The following BMPR1A variants were observed in gnomAD, a reference collection of about 807,000 sequenced individuals.
BMPR1A encodes the protein bone morphogenetic protein receptor type 1A.
In BMPR1A, 7 loss-of-function variants were observed where a neutral mutation model predicts 66.0. The ratio of observed to expected loss-of-function variants is 0.11; its 90% CI spans 0.06 to 0.20. BMPR1A has a LOEUF of 0.20. BMPR1A is among the 10% of genes least tolerant of loss of function. BMPR1A has a pLI of 1.00. For synonymous variants in BMPR1A, 200 were observed against 229.7 expected, an observed-to-expected ratio of 0.87 and a Z score of 1.17; for missense variants, 408 against 669.1, an observed-to-expected ratio of 0.61 and a Z score of 4.31.
chr10:86,804,553 A>C (rs1488034180), intron 1 of BMPR1A, among the ~76,000 whole-genome samples: 2 of 152,022 alleles, frequency 1.3e-5, no homozygotes, highest in East Asian at 3.9e-4. Context: ...TTCTTTATAG[A>C]CCCTATTTAC....
rs180767974 is a variant in BMPR1A at position 86,803,368 on chromosome 10, T to C, written c.-267-35497T>C. ...AATTCCAGGCATGAGCCACCCTGCC[T>C]GGCCATTATTATCTTTAATAACAAT... On this transcript the variant is annotated intron_variant, in intron 1 of 12. Coordinates refer to ENST00000372037, the MANE Select transcript of BMPR1A (RefSeq NM_004329.3). 2.5e-4 allele frequency among the ~76,000 whole-genome samples: 38 copies of C among 152,302 alleles called. No individual in the cohort carries two copies. In the East Asian group the frequency reaches 7.1e-3, roughly 29 times the overall value.
rs1280363195 is a variant in BMPR1A at position 86,924,778 on chromosome 10, C to A, written c.*1059C>A. On this transcript the variant is annotated 3_prime_UTR_variant, in exon 13 of 13. Coordinates refer to ENST00000372037, the MANE Select transcript of BMPR1A (RefSeq NM_004329.3). ...CAACCATACTTTATATATGTACATA[C>A]ATTCATACTGTAGAAACCAGCTCAT... 4.3e-6 allele frequency: 1 copy of A among 232,568 alleles called. No individual in the cohort carries two copies. The highest frequency in any genetic ancestry group is 6.1e-5 in the East Asian group (1 of 16,416). The allele number at this position is 232,568 out of a possible 1,614,324, so 14.4% of individuals were successfully genotyped here.
At chr10:86,891,103 C>T (rs1843143853) in intron 4 of BMPR1A, among the ~76,000 whole-genome samples, 1 of 152,170 alleles carries the variant, frequency 6.6e-6, no homozygotes, top group African/African-American at 2.4e-5. Context: ...TGAAACTTTA[C>T]ACGTAAACTC....
chr10:86,878,572 A>G (rs1842948403), intron 3 of BMPR1A, among the ~76,000 whole-genome samples: 2 of 152,184 alleles, frequency 1.3e-5, no homozygotes, highest in African/African-American at 4.8e-5. Context: ...ACATTCAGTT[A>G]TTGAGTAGTG....
At chr10:86,931,298 C>CACACACACACATATAT, downstream of BMPR1A, 33 of 90,910 alleles carry the variant, frequency 3.6e-4, no homozygotes, top group African/African-American at 2.0e-3. Flanking sequence ...CACACACACA[C>CACACACACACATATAT]ATATATATAT....
intron 7 of BMPR1A, among the ~76,000 whole-genome samples, chr10:86,905,410 C>T (rs1039828755): frequency 6.6e-6 from 1 of 152,154 alleles, no homozygotes; most frequent in South Asian, 2.1e-4. Flanking sequence ...GGCAAGTATT[C>T]GTTTACTTAC....
At chr10:86,773,262 T>G (rs1177125158) in intron 1 of BMPR1A, among the ~76,000 whole-genome samples, 2 of 151,682 alleles carry the variant, frequency 1.3e-5, no homozygotes, top group Admixed American at 1.3e-4. Flanking sequence ...TAATAAGATG[T>G]AGGGAAGCAG....
intron 2 of BMPR1A, among the ~76,000 whole-genome samples, chr10:86,845,303 C>T (rs953642444): frequency 1.3e-5 from 2 of 152,132 alleles, no homozygotes; most frequent in African/African-American, 4.8e-5. Flanking sequence ...GGGCTTCAGC[C>T]CTGTGGGTGT....
rs1225876181 is a variant in BMPR1A, at chr10:86,888,800, C to T, written c.68-1262C>T. Among the ~76,000 whole-genome samples, 9 of 145,016 alleles carry T rather than the reference C, an allele frequency of 6.2e-5. 1 individual carries two copies. The South Asian group carries it at 1.9e-3, about 31-fold the overall frequency. ...TCTGATCACATCACTGTACTCCAGC[C>T]TGGGCAATAGCGTGAGACCATGTCT... On this transcript the variant is annotated intron_variant, in intron 3 of 12. Transcript: ENST00000372037.
intron 2 of BMPR1A, among the ~76,000 whole-genome samples, chr10:86,853,157 A>G (rs1842594853): frequency 6.6e-6 from 1 of 152,160 alleles, no homozygotes; most frequent in African/African-American, 2.4e-5. Context: ...AGAAAATTAT[A>G]ACAATGAAAA....
intron 1 of BMPR1A, among the ~76,000 whole-genome samples, chr10:86,767,975 A>G (rs1342282429): frequency 6.6e-6 from 1 of 152,154 alleles, no homozygotes. Context: ...GCAACAGCCC[A>G]TTGTTCTTTT....
intron 1 of BMPR1A, among the ~76,000 whole-genome samples, chr10:86,796,986 T>G (rs956297713): frequency 1.3e-5 from 2 of 152,138 alleles, no homozygotes; most frequent in African/African-American, 4.8e-5. Context: ...TAACTTGATT[T>G]TATACTTGGC....
Position 86,925,719 on chromosome 10 carries a change from A to ACCTTTTTTTTTTTTTT in BMPR1A, c.*2000_*2001insCCTTTTTTTTTTTTTT, listed in dbSNP as rs879569249. On this transcript the variant is annotated 3_prime_UTR_variant, in exon 13 of 13. Transcript: ENST00000372037. ...ACCATAATCTTTAAAATCATTTGTC[A>ACCTTTTTTTTTTTTTT]TCTTTTTTTTTTTTTTTTTGAGACG... The ACCTTTTTTTTTTTTTT allele has an allele frequency of 8.1e-6, 1 of 123,446 alleles. No individual in the cohort carries two copies. The highest frequency in any genetic ancestry group is 1.4e-5 in the Non-Finnish European group (1 of 69,498). The allele number at this position is 123,446 out of a possible 1,614,324, so 7.6% of individuals were successfully genotyped here. A position where few individuals can be genotyped will look rare whatever the true frequency, so the allele number is the denominator to read the frequency against.
chr10:86,784,995 T>A (rs1841496265), intron 1 of BMPR1A, among the ~76,000 whole-genome samples: 1 of 152,226 alleles, frequency 6.6e-6, no homozygotes, highest in African/African-American at 2.4e-5. Context: ...TTAGCACGGC[T>A]TTTCTGTATC....
At chr10:86,919,144 T>C in intron 9 of BMPR1A, 28 bp from the exon 10 acceptor site, 1 of 1,613,558 alleles carries the variant, frequency 6.2e-7, no homozygotes, top group African/African-American at 1.3e-5. Context: ...TGATGATAAC[T>C]AACCTTTTAA....
chr10:86,804,792 G>GTTTTTTTTTTTTTTTTTTTTTTCTTT (rs5786747), intron 1 of BMPR1A, among the ~76,000 whole-genome samples: 2 of 57,268 alleles, frequency 3.5e-5, no homozygotes, highest in Admixed American at 1.8e-4. Flanking sequence ...GTTTGTAGGT[G>GTTTTTTTTTTTTTTTTTTTTTTCTTT]TTTTTTTTTT....
chr10:86,774,948 C>T (rs781269762), intron 1 of BMPR1A, among the ~76,000 whole-genome samples: 4 of 152,168 alleles, frequency 2.6e-5, no homozygotes, highest in Non-Finnish European at 5.9e-5. Context: ...CTACCTGGGG[C>T]GTGTAGCAAA....
chr10:86,921,416 G>A, intron 10 of BMPR1A, 104 bp from the exon 11 acceptor site: 3 of 1,440,730 alleles, frequency 2.1e-6, no homozygotes, highest in Non-Finnish European at 1.9e-6. Context: ...CAATGCATCT[G>A]GCCCCAAGGA....
At chr10:86,896,826 C>T (rs1436967347) in intron 5 of BMPR1A, among the ~76,000 whole-genome samples, 2 of 152,148 alleles carry the variant, frequency 1.3e-5, no homozygotes, top group Non-Finnish European at 2.9e-5. Flanking sequence ...GTGAAGGATA[C>T]GTTGCTTTTA....
Sources: gnomAD v4.1 joint callset for allele counts (sites outside exome capture counted in the v4.1 genomes callset) on GRCh38, gnomAD v4.1.1 for gene constraint, MANE v1.5 for transcripts, NCBI Gene and HGNC (gene_info 2026-07-23, HGNC 2026-07-21) for gene names.